SUGT1: variants seen among roughly 807,000 people sequenced by gnomAD.
SUGT1 encodes protein SGT1 homolog.
Under a neutral mutation model 56.1 loss-of-function variants are expected in SUGT1, and 15 were observed. The ratio of observed to expected loss-of-function variants is 0.27; its 90% confidence interval spans 0.18 to 0.41. The LOEUF (loss-of-function observed/expected upper bound fraction) is 0.41. SUGT1 is among the 10% of genes least tolerant of loss of function. The pLI is 1.00. For missense variants in SUGT1, 347 were observed against 382.2 expected, an observed-to-expected ratio of 0.91 and a Z score of 0.77; for synonymous variants, 123 against 128.6, an observed-to-expected ratio of 0.96 and a Z score of 0.30.
intron 12 of SUGT1, among the ~76,000 whole-genome samples, chr13:52,686,303 CTG>C (rs1213680653): frequency 6.6e-6 from 1 of 152,200 alleles, no homozygotes; most frequent in Admixed American, 6.5e-5. Flanking sequence ...TGCTAGGCCA[CTG>C]TGCTTAGAAC....
chr13:52,662,929 G>A (rs1013464076), intron 6 of SUGT1, among the ~76,000 whole-genome samples, 167 bp from the exon 7 acceptor site: 15 of 152,210 alleles, frequency 9.9e-5, no homozygotes, highest in African/African-American at 3.4e-4. Flanking sequence ...AATTACTAAG[G>A]AGTCTAAAAT....
rs1009378383 is a variant in SUGT1, at chr13:52,669,329, C to A, written c.627+2410C>A. Among the ~76,000 whole-genome samples the A allele has an allele frequency of 2.0e-5, 3 of 152,152 alleles. No individual in the cohort carries two copies. The East Asian group carries it at 5.8e-4, about 29-fold the overall frequency. ...TAATTTTTATTATGTAAATATGTTT[C>A]ATGCTATAATTTTATTTGCTAAACT... On this transcript the variant is annotated intron_variant, in intron 10 of 12. Transcript: ENST00000310528.
chr13:52,685,372 G>C (rs539353483), intron 12 of SUGT1, among the ~76,000 whole-genome samples: 12 of 151,154 alleles, frequency 7.9e-5, no homozygotes, highest in Admixed American at 7.9e-4. Flanking sequence ...TGGGATTCTA[G>C]GTGTGAGCCA....
At position 52,689,480 on chromosome 13, in the gene SUGT1, A is replaced by C. The variant is rs1963712625; in HGVS notation, c.*1645A>C. 1 of 152,240 alleles carries C rather than the reference A, an allele frequency of 6.6e-6. No individual in the cohort carries two copies. Among genetic ancestry groups the C allele is most frequent in the Admixed American group, 6.5e-5 (1 of 15,280 alleles). The allele number at this position is 152,240 out of a possible 1,614,324, so 9.4% of individuals were successfully genotyped here. ...TTGAGGACGTATAGCACTATACCAG[A>C]GACAAGAATGCTTAGCTCTAGCAAG... On this transcript the variant is annotated 3_prime_UTR_variant, in exon 13 of 13. Transcript: ENST00000310528.
intron 12 of SUGT1, among the ~76,000 whole-genome samples, chr13:52,683,520 T>C (rs1224739052): frequency 2.6e-5 from 4 of 152,202 alleles, no homozygotes; most frequent in Admixed American, 2.6e-4. Context: ...TATGGGTTAT[T>C]GTGTCTATAT....
At chr13:52,653,850 G>GGA (rs1555270497) in intron 2 of SUGT1, among the ~76,000 whole-genome samples, 12 of 152,022 alleles carry the variant, frequency 7.9e-5, no homozygotes, top group Non-Finnish European at 1.2e-4. Flanking sequence ...CAGAAAAGAG[G>GGA]AAACCTGTTT....
At chr13:52,682,266 A>G (rs575350185) in intron 12 of SUGT1, among the ~76,000 whole-genome samples, 1 of 152,310 alleles carries the variant, frequency 6.6e-6, no homozygotes, top group East Asian at 1.9e-4. Flanking sequence ...TGGCACAGTC[A>G]CAGTTCACTG....
intron 8 of SUGT1, among the ~76,000 whole-genome samples, chr13:52,664,455 T>G (rs1962598168): frequency 6.6e-6 from 1 of 152,220 alleles, no homozygotes; most frequent in Admixed American, 6.5e-5. Context: ...GCGTTGAAAG[T>G]TAATATTGCT....
chr13:52,658,523 T>G, intron 4 of SUGT1, 55 bp downstream of exon 4: 1 of 1,517,014 alleles, frequency 6.6e-7, no homozygotes, highest in Non-Finnish European at 8.9e-7. Flanking sequence ...GGTATTTAAT[T>G]TGTTGAATGA....
At chr13:52,656,980 T>C (rs993863637) in intron 2 of SUGT1, among the ~76,000 whole-genome samples, 1 of 152,242 alleles carries the variant, frequency 6.6e-6, no homozygotes, top group African/African-American at 2.4e-5. Flanking sequence ...TATTAGATTG[T>C]ATCTGGGCTT....
chr13:52,665,915 G>A (rs796320319), intron 9 of SUGT1, among the ~76,000 whole-genome samples, 182 bp downstream of exon 9: 4 of 152,156 alleles, frequency 2.6e-5, no homozygotes, highest in African/African-American at 9.7e-5. Flanking sequence ...GTAAATTATA[G>A]CTGGATGTGC....
intron 10 of SUGT1, 96 bp from the exon 11 acceptor site, chr13:52,676,134 T>C (rs1039901117): frequency 4.4e-6 from 4 of 907,274 alleles, no homozygotes; most frequent in Non-Finnish European, 6.5e-6. Context: ...AAAGATACTA[T>C]TCTTAACAAA....
intron 5 of SUGT1, 49 bp from the exon 6 acceptor site, chr13:52,662,600 T>A (rs753413107): frequency 1.9e-5 from 30 of 1,588,598 alleles, no homozygotes; most frequent in Middle Eastern, 1.7e-4. Flanking sequence ...ATTTGTTGAT[T>A]TATAGGTTGT....
intron 12 of SUGT1, among the ~76,000 whole-genome samples, chr13:52,681,378 C>T (rs1963367937): frequency 6.7e-6 from 1 of 148,972 alleles, no homozygotes; most frequent in African/African-American, 2.5e-5. Flanking sequence ...TTTTTTTGTG[C>T]CACTGAACTA....
At chr13:52,685,530 TG>T (rs770725262) in intron 12 of SUGT1, among the ~76,000 whole-genome samples, 19 of 152,184 alleles carry the variant, frequency 1.2e-4, no homozygotes, top group Non-Finnish European at 2.8e-4. Context: ...TTTAAAAGTG[TG>T]GTAGACAAAA....
At chr13:52,660,537 C>T (rs536038520) in intron 5 of SUGT1, among the ~76,000 whole-genome samples, 3 of 152,140 alleles carry the variant, frequency 2.0e-5, no homozygotes, top group Non-Finnish European at 4.4e-5. Flanking sequence ...TGAATGTTTG[C>T]CTTTCTGTTG....
At position 52,699,987 on chromosome 13, in the gene SUGT1, C is replaced by CT. The variant is rs1964037948; in HGVS notation, c.*12153dup. ...GATTTTCTGCAGTTCTGATTCAGTT[C>CT]TAAGAATTTGGTGTGAAAAGAATGT... On this transcript the variant is annotated 3_prime_UTR_variant, in exon 13 of 13. Coordinates refer to ENST00000310528, the MANE Select transcript of SUGT1 (RefSeq NM_006704.5). 2 of 152,056 alleles carry CT rather than the reference C, an allele frequency of 1.3e-5. No homozygotes were observed. Among genetic ancestry groups the CT allele is most frequent in the South Asian group, 4.1e-4 (2 of 4,822 alleles). 9.4% of individuals were successfully genotyped at this position (152,056 alleles called of 1,614,324 possible). A position where few individuals can be genotyped will look rare whatever the true frequency, so the allele number is the denominator to read the frequency against.
intron 10 of SUGT1, among the ~76,000 whole-genome samples, chr13:52,673,130 T>C (rs548582258): frequency 6.6e-6 from 1 of 152,320 alleles, no homozygotes; most frequent in South Asian, 2.1e-4. Context: ...TCTAGAACTA[T>C]CTGCCCGAAT....
At chr13:52,676,655 C>T (rs914006822) in intron 11 of SUGT1, among the ~76,000 whole-genome samples, 4 of 152,134 alleles carry the variant, frequency 2.6e-5, no homozygotes, top group Admixed American at 6.5e-5. Flanking sequence ...TTGGTTTACT[C>T]GGCGGATATA....
Sources: allele counts gnomAD v4.1 joint callset (sites outside exome capture counted in the v4.1 genomes callset), GRCh38; gene constraint gnomAD v4.1.1; transcripts MANE v1.5; gene names NCBI Gene and HGNC (gene_info 2026-07-23, HGNC 2026-07-21).